ADGRB3: variants seen among roughly 807,000 people sequenced by gnomAD.
The protein encoded by ADGRB3 is adhesion G protein-coupled receptor B3.
In ADGRB3, 37 loss-of-function variants were observed where a neutral mutation model predicts 193.4. The observed-to-expected ratio is 0.19, with a 90% confidence interval of 0.15 to 0.25. The LOEUF is 0.25. Ranked by LOEUF, ADGRB3 falls within the 10% of genes least tolerant of loss-of-function variation. The pLI, the probability that ADGRB3 is intolerant of heterozygous loss-of-function variation, is 1.00. For synonymous variants in ADGRB3, 690 were observed against 644.2 expected (o/e 1.07, Z -1.08); for missense variants, 1,637 against 1,852.9 (o/e 0.88, Z 2.14).
At chr6:69,278,898 A>G (rs1398020805) in intron 20 of ADGRB3, among the ~76,000 whole-genome samples, 2 of 151,588 alleles carry the variant, frequency 1.3e-5, no homozygotes, top group African/African-American at 4.8e-5. Flanking sequence ...CTATATTTAA[A>G]CTATCATTAA....
chr6:68,924,799 C>A (rs1365342692), intron 3 of ADGRB3, among the ~76,000 whole-genome samples: 4 of 151,636 alleles, frequency 2.6e-5, no homozygotes, highest in Non-Finnish European at 4.4e-5. Flanking sequence ...GGGAATGGAA[C>A]CAAGAAATAA....
intron 17 of ADGRB3, among the ~76,000 whole-genome samples, chr6:69,205,313 T>C (rs937958266): frequency 6.6e-5 from 10 of 152,086 alleles, no homozygotes; most frequent in African/African-American, 1.9e-4. Flanking sequence ...AGAAAGAGAA[T>C]CATCATGCTC....
chr6:68,847,326 G>T (rs1191350166), intron 3 of ADGRB3, among the ~76,000 whole-genome samples: 1 of 152,108 alleles, frequency 6.6e-6, no homozygotes, highest in African/African-American at 2.4e-5. Context: ...GGAATGTTGG[G>T]AAGGCATGAT....
Position 69,372,430 on chromosome 6 carries a change from C to A in ADGRB3, c.4264C>A (p.Leu1422Ile). 1.5e-6 allele frequency: 2 copies of A among 1,361,356 alleles called. No homozygotes were observed. The highest frequency in any genetic ancestry group is 1.4e-5 in the South Asian group (1 of 72,190). 84.3% of individuals were successfully genotyped at this position (1,361,356 alleles called of 1,614,324 possible). A position where few individuals can be genotyped will look rare whatever the true frequency, so the allele number is the denominator to read the frequency against. ...GAGAAGAAAATCACGATATTCAGAC[C>A]TTGACTTTGAGGTAAGTTTATATGA... The part of the protein sequence containing the change: ...LERRKSRYSD[L>I]DFEKVMHTRK... The change falls in exon 30 of 32, where the codon CTT (leucine) becomes ATT (isoleucine). Residue 1422 changes from leucine to isoleucine, a missense_variant. Leu to Ile is a conservative substitution (Grantham distance 5). This residue lies in a region of ADGRB3 where 368 missense variants were observed against 367.4 expected (regional missense o/e 1.00). Transcript: ENST00000370598.
At chr6:69,164,506 A>G (rs1775081412) in intron 17 of ADGRB3, among the ~76,000 whole-genome samples, 1 of 152,126 alleles carries the variant, frequency 6.6e-6, no homozygotes, top group Non-Finnish European at 1.5e-5. Flanking sequence ...ATTACTTTGT[A>G]ACTTGCAAAC....
chr6:69,216,433 G>A (rs1398786731), intron 17 of ADGRB3, among the ~76,000 whole-genome samples: 1 of 152,162 alleles, frequency 6.6e-6, no homozygotes, highest in African/African-American at 2.4e-5. Context: ...CCTGGTTGTG[G>A]TTATCAGAGG....
intron 17 of ADGRB3, among the ~76,000 whole-genome samples, chr6:69,153,093 G>T (rs1318605438): frequency 6.6e-6 from 1 of 151,784 alleles, no homozygotes; most frequent in Non-Finnish European, 1.5e-5. Flanking sequence ...ATATTAAAAG[G>T]ACTATATTTA....
intron 10 of ADGRB3, among the ~76,000 whole-genome samples, chr6:68,990,900 T>G (rs1769219693): frequency 6.6e-6 from 1 of 152,190 alleles, no homozygotes; most frequent in African/African-American, 2.4e-5. Flanking sequence ...CAGCTGTGAT[T>G]TGCATTGCCA....
Position 68,974,852 on chromosome 6 carries a change from C to T in ADGRB3, c.1615C>T (p.Leu539=). The change falls in exon 9 of 32, where the codon CTG becomes TTG. Residue 539 remains leucine, a synonymous_variant. Coordinates refer to ENST00000370598, the MANE Select transcript of ADGRB3 (RefSeq NM_001704.3). ...CGACTTGGCATTCAATCAATGTCCC[C>T]TGAATGCCACAGGTACAGTAGGATG... is the stretch of plus-strand genomic sequence containing the variant. ...AGDLAFNQCP[L]NATGTTSRRC... 6.2e-7 allele frequency: 1 copy of T among 1,613,512 alleles called. No homozygotes were observed.
intron 17 of ADGRB3, among the ~76,000 whole-genome samples, chr6:69,204,301 C>T (rs1050084040): frequency 6.6e-6 from 1 of 151,786 alleles, no homozygotes; most frequent in African/African-American, 2.4e-5. Flanking sequence ...CATTTTTTTT[C>T]CTGCAACACT....
At chr6:69,258,290 T>G (rs1026771864) in intron 20 of ADGRB3, among the ~76,000 whole-genome samples, 1 of 152,202 alleles carries the variant, frequency 6.6e-6, no homozygotes, top group Admixed American at 6.5e-5. Flanking sequence ...TAAAATCTCA[T>G]TTGGCCATGA....
At chr6:68,650,110 A>G (rs1320881174) in intron 3 of ADGRB3, among the ~76,000 whole-genome samples, 7 of 152,336 alleles carry the variant, frequency 4.6e-5, no homozygotes, top group African/African-American at 1.7e-4. Context: ...CAGAGTATAT[A>G]TAAAATAAAT....
chr6:68,878,924 A>G (rs972190738), intron 3 of ADGRB3, among the ~76,000 whole-genome samples: 2 of 152,106 alleles, frequency 1.3e-5, no homozygotes, highest in Admixed American at 6.5e-5. Context: ...TAAAACCATC[A>G]TATCTCGTGA....
intron 3 of ADGRB3, among the ~76,000 whole-genome samples, chr6:68,923,555 C>A (rs983001608): frequency 4.6e-5 from 7 of 151,926 alleles, no homozygotes; most frequent in African/African-American, 1.7e-4. Context: ...AATAGTAGTA[C>A]TATAAAATAA....
intron 17 of ADGRB3, among the ~76,000 whole-genome samples, chr6:69,190,053 T>C (rs1386541344): frequency 6.6e-6 from 1 of 152,176 alleles, no homozygotes; most frequent in East Asian, 1.9e-4. Context: ...CATACAATTA[T>C]GTACGGTACA....
intron 3 of ADGRB3, among the ~76,000 whole-genome samples, chr6:68,819,551 A>G (rs1375548337): frequency 2.0e-5 from 3 of 151,948 alleles, no homozygotes; most frequent in Non-Finnish European, 2.9e-5. Flanking sequence ...TCAAATCTCT[A>G]TATGTAGGAC....
intron 10 of ADGRB3, among the ~76,000 whole-genome samples, chr6:68,992,209 G>A (rs566201503): frequency 6.6e-6 from 1 of 152,166 alleles, no homozygotes; most frequent in Non-Finnish European, 1.5e-5. Flanking sequence ...AACTAAATAT[G>A]AGTGGTTTTT....
At chr6:68,676,700 G>A (rs1406484970) in intron 3 of ADGRB3, among the ~76,000 whole-genome samples, 1 of 152,012 alleles carries the variant, frequency 6.6e-6, no homozygotes. Flanking sequence ...TATATTTTAT[G>A]TCCTTCATAG....
intron 20 of ADGRB3, among the ~76,000 whole-genome samples, chr6:69,324,085 A>C (rs2064302642): frequency 1.3e-5 from 2 of 152,128 alleles, no homozygotes. Flanking sequence ...CAGTGAAAAA[A>C]GTAGCAACCT....
Sources: gnomAD v4.1 joint callset for allele counts (sites outside exome capture counted in the v4.1 genomes callset) on GRCh38, gnomAD v4.1.1 for gene constraint, gnomAD v4.1.1 regional missense constraint, MANE v1.5 for transcripts, NCBI Gene and HGNC (gene_info 2026-07-23, HGNC 2026-07-21) for gene names.